Variants in CNNM2 observed in about 807,000 individuals in gnomAD.
CNNM2 encodes the protein cyclin and CBS domain divalent metal cation transport mediator 2.
CNNM2 carries 12 observed loss-of-function variants against 66.9 expected under a neutral mutation model. The ratio of observed to expected loss-of-function variants is 0.18; its 90% CI spans 0.11 to 0.29. The LOEUF (loss-of-function observed/expected upper bound fraction) is 0.29. Ranked by LOEUF, CNNM2 falls within the 10% of genes least tolerant of loss-of-function variation. CNNM2 has a pLI of 1.00. For synonymous variants in CNNM2, 557 were observed against 501.8 expected, an observed-to-expected ratio of 1.11 and a Z score of -1.47; for missense variants, 705 against 1,167.7, an observed-to-expected ratio of 0.60 and a Z score of 5.77.
intron 5 of CNNM2, among the ~76,000 whole-genome samples, chr10:103,070,761 C>T (rs2065564889): frequency 6.6e-6 from 1 of 152,166 alleles, no homozygotes; most frequent in Admixed American, 6.5e-5. Context: ...GAAACCCCAT[C>T]TCTACTAAAA....
chr10:102,945,597 C>T (rs1410170707), intron 1 of CNNM2, among the ~76,000 whole-genome samples: 1 of 152,030 alleles, frequency 6.6e-6, no homozygotes, highest in East Asian at 1.9e-4. Context: ...CACACTGAAG[C>T]AGAGCTCCAG....
At chr10:103,003,952 A>AATTT (rs1554897586) in intron 1 of CNNM2, among the ~76,000 whole-genome samples, 1 of 140,060 alleles carries the variant, frequency 7.1e-6, no homozygotes, top group Non-Finnish European at 1.5e-5. Context: ...TAGACTGTGC[A>AATTT]TTCTCATTGC....
intron 1 of CNNM2, among the ~76,000 whole-genome samples, chr10:103,049,348 T>C (rs1314206106): frequency 2.6e-5 from 4 of 152,154 alleles, no homozygotes; most frequent in African/African-American, 7.2e-5. Flanking sequence ...CTCATGGACC[T>C]CCTATAAGGG....
chr10:102,949,880 A>G (rs1846764629), intron 1 of CNNM2, among the ~76,000 whole-genome samples: 1 of 152,170 alleles, frequency 6.6e-6, no homozygotes, highest in Non-Finnish European at 1.5e-5. Flanking sequence ...CATCCTAACT[A>G]TTGGGTTGTG....
At chr10:102,951,486 C>T (rs182586643) in intron 1 of CNNM2, among the ~76,000 whole-genome samples, 1 of 152,240 alleles carries the variant, frequency 6.6e-6, no homozygotes, top group East Asian at 1.9e-4. Context: ...GATGAGCCAC[C>T]ATGCCTGGCT....
chr10:102,951,342 G>T lies in CNNM2; in HGVS notation c.1621+31241G>T, dbSNP rs756923350. On this transcript the variant is annotated intron_variant, in intron 1 of 7. Transcript: ENST00000369878. ...CTCCTGAGTATCTGGGATTACAAGC[G>T]TGTGCCACCATGCCCTGATAATTTT... Among the ~76,000 whole-genome samples, 19 of 151,778 alleles carry T rather than the reference G, an allele frequency of 1.3e-4. 1 individual carries two copies. The highest frequency in any genetic ancestry group is 1.3e-3 in the Admixed American group (19 of 15,196).
At chr10:102,982,973 C>T (rs957932991) in intron 1 of CNNM2, among the ~76,000 whole-genome samples, 5 of 152,130 alleles carry the variant, frequency 3.3e-5, no homozygotes, top group African/African-American at 1.2e-4. Flanking sequence ...AAAACTATTC[C>T]TTAAACATGA....
chr10:103,040,939 T>C (rs943059220), intron 1 of CNNM2, among the ~76,000 whole-genome samples: 3 of 152,110 alleles, frequency 2.0e-5, no homozygotes, highest in African/African-American at 7.2e-5. Flanking sequence ...GGGAGGAGAA[T>C]TGCTTCTCTT....
At chr10:102,940,389 G>A (rs997479139) in intron 1 of CNNM2, among the ~76,000 whole-genome samples, 4 of 152,010 alleles carry the variant, frequency 2.6e-5, no homozygotes, top group African/African-American at 9.7e-5. Context: ...TGTTTTGGGT[G>A]CTCCAGAAAT....
At chr10:103,076,017 G>T in intron 6 of CNNM2, 69 bp from the exon 7 acceptor site, 1 of 1,388,752 alleles carries the variant, frequency 7.2e-7, no homozygotes. Flanking sequence ...TTTTTATTTT[G>T]GAAAATAACT....
chr10:103,069,202 A>G (rs957172202), intron 5 of CNNM2, among the ~76,000 whole-genome samples: 29 of 152,024 alleles, frequency 1.9e-4, no homozygotes, highest in African/African-American at 6.5e-4. Flanking sequence ...AATACACAGC[A>G]GTGCACGTGT....
chr10:102,973,420 A>G (rs1277822204), intron 1 of CNNM2, among the ~76,000 whole-genome samples: 2 of 152,040 alleles, frequency 1.3e-5, no homozygotes, highest in Non-Finnish European at 2.9e-5. Context: ...TGGAACTACT[A>G]CAGGCAAATG....
chr10:102,995,653 A>G (rs2063983354), intron 1 of CNNM2, among the ~76,000 whole-genome samples: 1 of 148,990 alleles, frequency 6.7e-6, no homozygotes, highest in East Asian at 2.0e-4. Context: ...TTAATAAACC[A>G]TGTTAGCTTA....
intron 1 of CNNM2, among the ~76,000 whole-genome samples, chr10:102,948,659 G>A (rs904238449): frequency 6.6e-6 from 1 of 152,174 alleles, no homozygotes; most frequent in Non-Finnish European, 1.5e-5. Flanking sequence ...GGGGGTACAT[G>A]AGCATGACAT....
intron 1 of CNNM2, among the ~76,000 whole-genome samples, chr10:102,928,976 C>G (rs542372939): frequency 7.4e-4 from 113 of 152,196 alleles, no homozygotes; most frequent in Non-Finnish European, 1.2e-3. Flanking sequence ...AGTGGCTAGG[C>G]TCGCTGGGCG....
intron 1 of CNNM2, among the ~76,000 whole-genome samples, chr10:103,017,666 C>T (rs1348604063): frequency 1.3e-5 from 2 of 152,012 alleles, no homozygotes; most frequent in Non-Finnish European, 1.5e-5. Context: ...CAAGAAGTGC[C>T]TAGAGAAAGG....
intron 1 of CNNM2, among the ~76,000 whole-genome samples, chr10:102,924,697 T>C (rs1385012767): frequency 1.3e-5 from 2 of 151,802 alleles, no homozygotes; most frequent in African/African-American, 2.4e-5. Flanking sequence ...CTTGAACTCC[T>C]GGCCTCAAGC....
intron 5 of CNNM2, among the ~76,000 whole-genome samples, 199 bp downstream of exon 5, chr10:103,068,921 C>T (rs957086788): frequency 3.9e-5 from 6 of 152,170 alleles, no homozygotes; most frequent in Non-Finnish European, 8.8e-5. Flanking sequence ...AAACTGAACA[C>T]GTGTAAAGTG....
At chr10:103,061,122 C>T (rs1480167570) in intron 4 of CNNM2, among the ~76,000 whole-genome samples, 2 of 152,090 alleles carry the variant, frequency 1.3e-5, no homozygotes, top group African/African-American at 2.4e-5. Flanking sequence ...ACTGGCCGGG[C>T]GTGGTGGCTT....
Sources: allele counts gnomAD v4.1 joint callset (sites outside exome capture counted in the v4.1 genomes callset), GRCh38; gene constraint gnomAD v4.1.1; transcripts MANE v1.5; gene names NCBI Gene and HGNC (gene_info 2026-07-23, HGNC 2026-07-21).